The following FLYWCH1 variants were observed in gnomAD, a reference collection of about 807,000 sequenced individuals.
FLYWCH1 encodes the protein FLYWCH-type zinc finger-containing protein 1.
In FLYWCH1, 75 loss-of-function variants were observed where a neutral mutation model predicts 66.4. That is an observed-to-expected ratio of 1.13 (90% CI 0.94 to 1.37). The LOEUF is 1.37. Ranked by LOEUF, FLYWCH1 falls within the 40% of genes most tolerant of loss-of-function variation. The pLI is 0.00. For synonymous variants in FLYWCH1, 595 were observed against 429.9 expected (o/e 1.38, Z -4.75); for missense variants, 1,334 against 1,001.8 (o/e 1.33, Z -4.48).
At chr16:2,924,586 C>T (rs2070490036) in intron 2 of FLYWCH1, among the ~76,000 whole-genome samples, 1 of 152,192 alleles carries the variant, frequency 6.6e-6, no homozygotes, top group African/African-American at 2.4e-5. Context: ...AGCTGCCTTC[C>T]CTGCAGACTC....
At chr16:2,947,879 A>T (rs190753472) in intron 9 of FLYWCH1, among the ~76,000 whole-genome samples, 1,680 of 150,478 alleles carry the variant, frequency 0.011, 13 homozygotes, top group Non-Finnish European at 0.016. Flanking sequence ...ACAAAAAAAA[A>T]TTTTTTTTTT....
intron 9 of FLYWCH1, among the ~76,000 whole-genome samples, chr16:2,945,540 C>A (rs2071443414): frequency 6.7e-6 from 1 of 148,310 alleles, no homozygotes; most frequent in Non-Finnish European, 1.5e-5. Context: ...CCTGTAATCC[C>A]AGCTACTTGG....
chr16:2,940,268 T>A (rs1353900910), intron 9 of FLYWCH1, 176 bp downstream of exon 9: 6 of 546,462 alleles, frequency 1.1e-5, no homozygotes, highest in Non-Finnish European at 2.0e-5. Flanking sequence ...GGCAGTCATC[T>A]GAAGGCCCAA....
At chr16:2,936,982 G>A (rs2150982072) in intron 6 of FLYWCH1, 139 bp from the exon 7 acceptor site, 1 of 1,051,602 alleles carries the variant, frequency 9.5e-7, no homozygotes, top group Non-Finnish European at 1.4e-6. Context: ...GGGGATGGTG[G>A]CATCTGTGTC....
At chr16:2,922,842 G>A (rs1208967669) in intron 2 of FLYWCH1, 1 of 524,152 alleles carries the variant, frequency 1.9e-6, no homozygotes, top group Non-Finnish European at 3.8e-6. Flanking sequence ...GTGAAGACAA[G>A]TGTGTTGTCT....
chr16:2,937,972 G>A (rs953490750), intron 7 of FLYWCH1, among the ~76,000 whole-genome samples: 10 of 152,156 alleles, frequency 6.6e-5, no homozygotes, highest in South Asian at 2.1e-4. Context: ...GCCAGGCCAC[G>A]TGCCCAGTCA....
chr16:2,914,917 A>C (rs2070116239), intron 2 of FLYWCH1, among the ~76,000 whole-genome samples: 1 of 151,232 alleles, frequency 6.6e-6, no homozygotes, highest in South Asian at 2.1e-4. Flanking sequence ...TCAAAAAAAA[A>C]AAAAAAAAAA....
chr16:2,948,471 G>A (rs1234866909), intron 9 of FLYWCH1, among the ~76,000 whole-genome samples: 1 of 152,062 alleles, frequency 6.6e-6, no homozygotes, highest in East Asian at 1.9e-4. Context: ...GCTGAGGTGG[G>A]AGAATCACTT....
At chr16:2,934,103 AG>A in intron 6 of FLYWCH1, 124 bp downstream of exon 6, 1 of 1,223,718 alleles carries the variant, frequency 8.2e-7, no homozygotes, top group Non-Finnish European at 1.1e-6. Context: ...ACATCCTAGA[AG>A]GAACTATGGC....
At chr16:2,948,507 G>C (rs1385455411) in intron 9 of FLYWCH1, among the ~76,000 whole-genome samples, 181 bp from the exon 10 acceptor site, 1 of 152,074 alleles carries the variant, frequency 6.6e-6, no homozygotes, top group African/African-American at 2.4e-5. Flanking sequence ...GGGGTGCAGT[G>C]AGCCGAGATC....
intron 9 of FLYWCH1, among the ~76,000 whole-genome samples, chr16:2,947,743 CAA>C (rs1309810763): frequency 8.2e-6 from 1 of 121,702 alleles, no homozygotes; most frequent in Admixed American, 9.7e-5. Flanking sequence ...GCTTGGGCAA[CAA>C]GAGCAAAACT....
At chr16:2,941,872 T>G (rs1014154202) in intron 9 of FLYWCH1, among the ~76,000 whole-genome samples, 1 of 150,718 alleles carries the variant, frequency 6.6e-6, no homozygotes, top group East Asian at 2.0e-4. Flanking sequence ...GATAGAAAAA[T>G]TAGCCAGGCG....
chr16:2,927,225 G>A (rs1014196219), intron 2 of FLYWCH1, among the ~76,000 whole-genome samples: 2 of 152,150 alleles, frequency 1.3e-5, no homozygotes, highest in Non-Finnish European at 2.9e-5. Context: ...TAATCCAACA[G>A]CACCACCTAG....
At chr16:2,939,992 G>C (rs772659813) in intron 8 of FLYWCH1, 40 bp from the exon 9 acceptor site, 4 of 1,562,674 alleles carry the variant, frequency 2.6e-6, no homozygotes, top group Non-Finnish European at 2.6e-6. Flanking sequence ...TTCAACAAGA[G>C]AAGAATTATT....
At chr16:2,927,994 CAT>C (rs111619440) in intron 2 of FLYWCH1, among the ~76,000 whole-genome samples, 1,654 of 152,264 alleles carry the variant, frequency 0.011, 17 homozygotes, top group South Asian at 0.019. Flanking sequence ...AGCAGGGAAA[CAT>C]GTGAGCAAAG....
intron 9 of FLYWCH1, among the ~76,000 whole-genome samples, chr16:2,948,212 C>T (rs1567359348): frequency 6.6e-6 from 1 of 152,010 alleles, no homozygotes; most frequent in Non-Finnish European, 1.5e-5. Flanking sequence ...AGGTGTGTGT[C>T]ACGAAGCAAC....
intron 2 of FLYWCH1, among the ~76,000 whole-genome samples, chr16:2,926,576 C>G (rs2150932306): frequency 6.6e-6 from 1 of 152,260 alleles, no homozygotes; most frequent in African/African-American, 2.4e-5. Flanking sequence ...TTCATGGACC[C>G]AGGAACCACC....
At chr16:2,922,611 T>C (rs2070413328) in intron 2 of FLYWCH1, 1 of 348,622 alleles carries the variant, frequency 2.9e-6, no homozygotes, top group African/African-American at 2.2e-5. Context: ...GATTTTTTTA[T>C]GGTGAAAAGA....
rs58279573 is a variant in FLYWCH1, at chr16:2,946,316, CTTTTT to C, written c.2112-2353_2112-2349del. 9.4e-4 allele frequency among the ~76,000 whole-genome samples: 71 copies of C among 75,546 alleles called. 1 individual carries two copies. Among genetic ancestry groups the C allele is most frequent in the South Asian group, 5.0e-4 (1 of 2,012 alleles). The allele number at this position is 75,546 out of a possible 152,430, so 49.6% of individuals were successfully genotyped here. ...TCATGCCCTGTATAGGTGGGCTGTA[CTTTTT>C]TTTTTTTTTTTTTTTTTTGAGATGG... is the stretch of plus-strand genomic sequence containing the variant. On this transcript the variant is annotated intron_variant, in intron 9 of 9. Coordinates refer to ENST00000253928, the MANE Select transcript of FLYWCH1 (RefSeq NM_001308068.2).
Sources: gnomAD v4.1 joint callset for allele counts (sites outside exome capture counted in the v4.1 genomes callset) on GRCh38, gnomAD v4.1.1 for gene constraint, MANE v1.5 for transcripts, NCBI Gene and HGNC (gene_info 2026-07-23, HGNC 2026-07-21) for gene names.